The following PDE10A variants were observed in gnomAD, a reference collection of about 807,000 sequenced individuals.
PDE10A encodes the protein phosphodiesterase 10A.
Under a neutral mutation model 97.7 loss-of-function variants are expected in PDE10A, and 39 were observed. That is an observed-to-expected ratio of 0.40 (90% CI 0.31 to 0.52). The LOEUF (loss-of-function observed/expected upper bound fraction) is 0.52. Ranked by LOEUF, PDE10A falls within the 20% of genes least tolerant of loss-of-function variation. The pLI is 0.56. For missense variants in PDE10A, 731 were observed against 1,047.8 expected (o/e 0.70, Z 4.17); for synonymous variants, 371 against 376.8 (o/e 0.98, Z 0.18).
intron 1 of PDE10A, among the ~76,000 whole-genome samples, chr6:165,644,916 T>C (rs1242215111): frequency 1.3e-5 from 2 of 152,204 alleles, no homozygotes; most frequent in Non-Finnish European, 2.9e-5. Flanking sequence ...CTGGGAACTT[T>C]AAAAATTAAT....
At chr6:165,652,953 C>T (rs1019923482) in intron 1 of PDE10A, among the ~76,000 whole-genome samples, 2 of 152,192 alleles carry the variant, frequency 1.3e-5, no homozygotes, top group Non-Finnish European at 2.9e-5. Context: ...GGCTGCTCCA[C>T]GCCAAGCCAT....
Position 165,716,842 on chromosome 6 carries a change from C to A in PDE10A, c.-614-173274G>T, listed in dbSNP as rs74505878. 2.4e-3 allele frequency among the ~76,000 whole-genome samples: 367 copies of A among 152,236 alleles called. 12 individuals are homozygous for A. In the East Asian group the frequency reaches 0.06, roughly 25 times the overall value. On this transcript the variant is annotated intron_variant, in intron 1 of 19. Transcript: ENST00000366882. ...TTTTAAAGAAAATTACTTTTAAAAT[C>A]ATGGTAAGAACATACATAAAATTCA...
chr6:165,365,372 C>T (rs1009014175), intron 18 of PDE10A, among the ~76,000 whole-genome samples: 1 of 152,150 alleles, frequency 6.6e-6, no homozygotes, highest in Non-Finnish European at 1.5e-5. Context: ...CCATAAAAGA[C>T]ACTGAAAGTT....
At chr6:165,433,974 G>GCA in intron 6 of PDE10A, among the ~76,000 whole-genome samples, 1 of 125,948 alleles carries the variant, frequency 7.9e-6, no homozygotes, top group Non-Finnish European at 1.5e-5. Context: ...CCGAGATCAA[G>GCA]CCACTGCACT....
At chr6:165,688,318 A>G (rs919909316) in intron 1 of PDE10A, among the ~76,000 whole-genome samples, 2 of 152,238 alleles carry the variant, frequency 1.3e-5, no homozygotes, top group African/African-American at 4.8e-5. Context: ...GACCAAGTCA[A>G]GAGAGCAAAA....
chr6:165,686,632 A>C (rs1360364561), intron 1 of PDE10A, among the ~76,000 whole-genome samples: 1 of 152,206 alleles, frequency 6.6e-6, no homozygotes, highest in Non-Finnish European at 1.5e-5. Context: ...CAGTGTTTTC[A>C]ATCGAATCAT....
At chr6:165,669,554 A>T (rs566065556) in intron 1 of PDE10A, among the ~76,000 whole-genome samples, 2 of 152,350 alleles carry the variant, frequency 1.3e-5, no homozygotes, top group East Asian at 3.9e-4. Flanking sequence ...ACAGTCAATG[A>T]GTACAGCCTG....
At chr6:165,738,760 C>G (rs550693363) in intron 1 of PDE10A, among the ~76,000 whole-genome samples, 1 of 152,184 alleles carries the variant, frequency 6.6e-6, no homozygotes, top group Non-Finnish European at 1.5e-5. Context: ...TCTCTGATGG[C>G]TGGTGATGGT....
At chr6:165,815,174 A>G (rs372726683) in intron 1 of PDE10A, among the ~76,000 whole-genome samples, 5 of 152,114 alleles carry the variant, frequency 3.3e-5, no homozygotes, top group Admixed American at 2.0e-4. Context: ...CTCCTTAAAC[A>G]CTGAATGTGC....
intron 10 of PDE10A, among the ~76,000 whole-genome samples, chr6:165,422,718 GAAGA>G (rs1351016521): frequency 6.6e-6 from 1 of 152,118 alleles, no homozygotes; most frequent in Non-Finnish European, 1.5e-5. Context: ...AAGCAAAAAT[GAAGA>G]AATAGATAAA....
intron 1 of PDE10A, among the ~76,000 whole-genome samples, chr6:165,822,148 T>C (rs9459509): frequency 0.18 from 27,065 of 152,268 alleles, 3,143 homozygotes; most frequent in Non-Finnish European, 0.26. Flanking sequence ...AAATGTGTCC[T>C]TTGGCGGTTG....
chr6:165,404,643 T>G (rs762928764), intron 13 of PDE10A, among the ~76,000 whole-genome samples: 1 of 151,864 alleles, frequency 6.6e-6, no homozygotes, highest in African/African-American at 2.4e-5. Flanking sequence ...TGAGAGAAAT[T>G]TGAGTAGGTA....
chr6:165,729,272 T>A (rs1236600011), intron 1 of PDE10A, among the ~76,000 whole-genome samples: 1 of 152,062 alleles, frequency 6.6e-6, no homozygotes, highest in African/African-American at 2.4e-5. Context: ...CTTTTTCAAA[T>A]GGAAAAATCC....
chr6:165,743,087 C>T (rs1053873181), intron 1 of PDE10A, among the ~76,000 whole-genome samples: 1 of 152,180 alleles, frequency 6.6e-6, no homozygotes, highest in African/African-American at 2.4e-5. Context: ...AGCTGGCATT[C>T]GTCGCTAGTG....
intron 1 of PDE10A, among the ~76,000 whole-genome samples, chr6:165,879,788 C>A (rs559748576): frequency 6.6e-6 from 1 of 151,952 alleles, no homozygotes; most frequent in Non-Finnish European, 1.5e-5. Context: ...TTTTTTGTCA[C>A]AGTTTTTAAA....
intron 1 of PDE10A, among the ~76,000 whole-genome samples, chr6:165,590,459 A>C (rs1786184363): frequency 2.0e-5 from 3 of 152,210 alleles, no homozygotes; most frequent in Admixed American, 2.0e-4. Flanking sequence ...ATCACAGCAA[A>C]CATAAAGAGT....
intron 17 of PDE10A, among the ~76,000 whole-genome samples, chr6:165,386,542 T>C (rs1039950708): frequency 6.6e-6 from 1 of 152,104 alleles, no homozygotes; most frequent in Admixed American, 6.5e-5. Flanking sequence ...TGGCGTTTAT[T>C]CTTCTTAAAC....
chr6:165,634,928 T>C (rs952083772), intron 1 of PDE10A, among the ~76,000 whole-genome samples: 1 of 152,224 alleles, frequency 6.6e-6, no homozygotes, highest in Non-Finnish European at 1.5e-5. Flanking sequence ...GGTGGCTCCA[T>C]GGGTCCCTGG....
At chr6:165,352,863 A>G (rs1157834144) in intron 18 of PDE10A, among the ~76,000 whole-genome samples, 1 of 152,186 alleles carries the variant, frequency 6.6e-6, no homozygotes, top group African/African-American at 2.4e-5. Flanking sequence ...AAAATTAAAA[A>G]TGTATGCCCT....
Sources: allele counts gnomAD v4.1 joint callset (sites outside exome capture counted in the v4.1 genomes callset), GRCh38; gene constraint gnomAD v4.1.1; transcripts MANE v1.5; gene names NCBI Gene and HGNC (gene_info 2026-07-23, HGNC 2026-07-21).